Variants in TMEM117 observed in about 807,000 individuals in gnomAD.
TMEM117 encodes the protein transmembrane protein 117.
TMEM117 carries 27 observed loss-of-function variants against 52.4 expected under a neutral mutation model. The ratio of observed to expected loss-of-function variants is 0.51; its 90% confidence interval spans 0.38 to 0.71. TMEM117 has a LOEUF of 0.71. TMEM117 is among the 30% of genes least tolerant of loss of function. The probability of loss-of-function intolerance (pLI) is 0.00; values close to 1 mark genes in which losing one functional copy is unlikely to be tolerated. For synonymous variants in TMEM117, 215 were observed against 206.3 expected, an observed-to-expected ratio of 1.04 and a Z score of -0.36; for missense variants, 556 against 630.5, an observed-to-expected ratio of 0.88 and a Z score of 1.26.
At chr12:44,308,400 A>G (rs1261176530) in intron 6 of TMEM117, among the ~76,000 whole-genome samples, 1 of 152,108 alleles carries the variant, frequency 6.6e-6, no homozygotes, top group East Asian at 1.9e-4. Context: ...ATGTGTGTCA[A>G]GGTTGGCCCT....
chr12:44,226,939 T>G (rs1324707722), intron 5 of TMEM117, among the ~76,000 whole-genome samples: 1 of 152,062 alleles, frequency 6.6e-6, no homozygotes, highest in South Asian at 2.1e-4. Flanking sequence ...GTAATATAAA[T>G]ACAATAAAAA....
intron 2 of TMEM117, among the ~76,000 whole-genome samples, chr12:43,897,397 C>T (rs1048016618): frequency 1.3e-5 from 2 of 151,290 alleles, no homozygotes; most frequent in Admixed American, 6.6e-5. Context: ...CTGCAACTTC[C>T]GCCTCCTGGG....
At chr12:43,934,878 G>T (rs1944925532) in intron 2 of TMEM117, among the ~76,000 whole-genome samples, 1 of 152,092 alleles carries the variant, frequency 6.6e-6, no homozygotes, top group Non-Finnish European at 1.5e-5. Context: ...ATAAAGCCGT[G>T]TTTGTCTAAC....
chr12:44,098,692 T>C (rs977665835), intron 3 of TMEM117, among the ~76,000 whole-genome samples: 2 of 152,044 alleles, frequency 1.3e-5, no homozygotes, highest in African/African-American at 4.8e-5. Flanking sequence ...TCCTATACTA[T>C]CATAACTTTC....
the TMEM117 span, among the ~76,000 whole-genome samples, chr12:44,398,058 T>A: frequency 7.9e-3 from 1,203 of 151,962 alleles, 8 homozygotes; most frequent in Middle Eastern, 0.02. Context: ...AAGGACAGAG[T>A]AGAGGGATTT....
intron 3 of TMEM117, among the ~76,000 whole-genome samples, chr12:44,121,391 C>T (rs1021011841): frequency 6.6e-6 from 1 of 152,166 alleles, no homozygotes; most frequent in East Asian, 1.9e-4. Context: ...ACCTGTGCCA[C>T]CCCTGATACT....
At chr12:43,806,429 C>A in the TMEM117 span, 3 of 1,127,858 alleles carry the variant, frequency 2.7e-6, no homozygotes, top group Non-Finnish European at 2.2e-6. Flanking sequence ...CCCTTCCTGG[C>A]CGCCGGGCTG....
chr12:43,800,289 C>A, the TMEM117 span: 1 of 582,054 alleles, frequency 1.7e-6, no homozygotes, highest in Non-Finnish European at 2.9e-6. Flanking sequence ...TTACAGCTAA[C>A]TTTAATATTA....
chr12:44,082,495 C>T (rs1482579128), intron 3 of TMEM117, among the ~76,000 whole-genome samples: 1 of 151,964 alleles, frequency 6.6e-6, no homozygotes, highest in Admixed American at 6.5e-5. Context: ...AGTAAATATC[C>T]TTACTTTTTC....
intron 3 of TMEM117, among the ~76,000 whole-genome samples, chr12:44,100,604 C>T (rs1302212373): frequency 6.6e-6 from 1 of 152,036 alleles, no homozygotes; most frequent in Non-Finnish European, 1.5e-5. Flanking sequence ...TCTCTTTTGT[C>T]TGTAACATCC....
intron 6 of TMEM117, among the ~76,000 whole-genome samples, chr12:44,351,995 T>C (rs532971613): frequency 1.3e-5 from 2 of 152,110 alleles, no homozygotes; most frequent in South Asian, 4.1e-4. Flanking sequence ...GTACAGCCTT[T>C]ATGCATTAGG....
chr12:43,893,393 TAAATC>T (rs1450440974), intron 2 of TMEM117, among the ~76,000 whole-genome samples: 7 of 152,186 alleles, frequency 4.6e-5, no homozygotes, highest in Non-Finnish European at 7.4e-5. Context: ...CTTAAAAACT[TAAATC>T]ACTCAGTTGG....
At chr12:44,056,710 T>C (rs1565810239) in intron 3 of TMEM117, among the ~76,000 whole-genome samples, 1 of 152,196 alleles carries the variant, frequency 6.6e-6, no homozygotes, top group Non-Finnish European at 1.5e-5. Context: ...CAATTACTAC[T>C]ATGAACCTTC....
At chr12:43,802,984 A>G in the TMEM117 span, among the ~76,000 whole-genome samples, 5 of 152,174 alleles carry the variant, frequency 3.3e-5, no homozygotes, top group East Asian at 7.7e-4. Flanking sequence ...AATGGTATTC[A>G]GCAGAATCAA....
chr12:44,134,195 C>T (rs1948455933), intron 3 of TMEM117, among the ~76,000 whole-genome samples: 1 of 152,146 alleles, frequency 6.6e-6, no homozygotes, highest in Admixed American at 6.5e-5. Context: ...AAAACGGAGA[C>T]ACATTGGTCT....
intron 4 of TMEM117, among the ~76,000 whole-genome samples, chr12:44,152,996 G>C (rs1490227200): frequency 1.3e-5 from 2 of 151,010 alleles, no homozygotes; most frequent in African/African-American, 4.9e-5. Context: ...CCTGCAGGAG[G>C]TGCTAACTAA....
chr12:44,139,122 C>G (rs1948534225), intron 3 of TMEM117, among the ~76,000 whole-genome samples: 1 of 152,104 alleles, frequency 6.6e-6, no homozygotes. Context: ...CTGAGAGAGA[C>G]AGCTGTGACA....
rs11182419 is a variant in TMEM117 at position 44,106,436 on chromosome 12, G to T, written c.411-37089G>T. On this transcript the variant is annotated intron_variant, in intron 3 of 7. Transcript: ENST00000266534. ...AAATGTATTTTAGCTGTTACAGTTGGTCTTTTGCTCTGAGTGACAATTATA... is the reference window on the plus strand; with the variant it reads ...AAATGTATTTTAGCTGTTACAGTTGTTCTTTTGCTCTGAGTGACAATTATA... Among the ~76,000 whole-genome samples the T allele has an allele frequency of 6.9e-3, 1,054 of 152,160 alleles. 38 individuals are homozygous for T. The East Asian group carries it at 0.072, about 10-fold the overall frequency.
intron 3 of TMEM117, among the ~76,000 whole-genome samples, chr12:44,114,752 G>T (rs1380264219): frequency 6.6e-6 from 1 of 152,188 alleles, no homozygotes; most frequent in East Asian, 1.9e-4. Context: ...ATTAGTAGAA[G>T]TATAAGGGGT....
Sources: gnomAD v4.1 joint callset for allele counts (sites outside exome capture counted in the v4.1 genomes callset) on GRCh38, gnomAD v4.1.1 for gene constraint, MANE v1.5 for transcripts, NCBI Gene and HGNC (gene_info 2026-07-23, HGNC 2026-07-21) for gene names.